The following CSMD2 variants were observed in gnomAD, a reference collection of about 807,000 sequenced individuals.
CSMD2 encodes the protein CUB and Sushi multiple domains 2.
CSMD2 carries 130 observed loss-of-function variants against 398.5 expected under a neutral mutation model. That is an observed-to-expected ratio of 0.33 (90% CI 0.28 to 0.38). CSMD2 has a LOEUF of 0.38. CSMD2 is among the 10% of genes least tolerant of loss of function. The pLI, the probability that CSMD2 is intolerant of heterozygous loss-of-function variation, is 1.00. For synonymous variants in CSMD2, 1,828 were observed against 1,908.5 expected (o/e 0.96, Z 1.10); for missense variants, 3,829 against 4,764.9 (o/e 0.80, Z 5.78).
intron 29 of CSMD2, among the ~76,000 whole-genome samples, chr1:33,640,608 G>C (rs1471864017): frequency 6.6e-6 from 1 of 152,166 alleles, no homozygotes; most frequent in African/African-American, 2.4e-5. Context: ...GAAAAAGTTT[G>C]CCAACTCCTG....
intron 1 of CSMD2, among the ~76,000 whole-genome samples, chr1:34,128,951 C>G (rs1663030324): frequency 1.3e-5 from 2 of 152,016 alleles, no homozygotes; most frequent in Admixed American, 6.6e-5. Context: ...CCTGTGCACA[C>G]ACACATCAAC....
chr1:33,867,368 C>T (rs1213433558), intron 5 of CSMD2, among the ~76,000 whole-genome samples: 2 of 152,194 alleles, frequency 1.3e-5, no homozygotes, highest in Non-Finnish European at 2.9e-5. Context: ...TGAATCCTTC[C>T]CCAGTCAAGC....
intron 1 of CSMD2, among the ~76,000 whole-genome samples, chr1:34,100,131 A>AT (rs1346200528): frequency 6.6e-6 from 1 of 152,230 alleles, no homozygotes; most frequent in Non-Finnish European, 1.5e-5. Flanking sequence ...AGATAACACC[A>AT]TATGTATAAT....
chr1:33,973,480 G>C (rs779171032), intron 3 of CSMD2, among the ~76,000 whole-genome samples: 1 of 152,238 alleles, frequency 6.6e-6, no homozygotes, highest in Non-Finnish European at 1.5e-5. Flanking sequence ...CAGACCCTGA[G>C]GGGGTCCTGG....
At chr1:34,120,429 G>A (rs1212648692) in intron 1 of CSMD2, among the ~76,000 whole-genome samples, 1 of 152,186 alleles carries the variant, frequency 6.6e-6, no homozygotes, top group Middle Eastern at 3.2e-3. Context: ...GGTTAAGACA[G>A]TAAATTTTAT....
At chr1:33,557,659 C>A in intron 55 of CSMD2, 75 bp downstream of exon 55, 1 of 1,220,550 alleles carries the variant, frequency 8.2e-7, no homozygotes. Flanking sequence ...CACACACACA[C>A]ATGCACAGAG....
rs114392705 is a variant in CSMD2 at position 33,765,912 on chromosome 1, A to G, written c.1846+6657T>C. Among the ~76,000 whole-genome samples, 299 of 152,324 alleles carry G rather than the reference A, an allele frequency of 2.0e-3. 1 individual carries two copies. The highest frequency in any genetic ancestry group is 6.6e-3 in the African/African-American group (274 of 41,584). On this transcript the variant is annotated intron_variant, in intron 13 of 70. Coordinates refer to ENST00000373381, the MANE Select transcript of CSMD2 (RefSeq NM_001281956.2). ...ACAGCAAATGCCCCATGTCCCTCCT[A>G]GACAGGGCTGGAACCAGGTCGGCTG...
intron 12 of CSMD2, among the ~76,000 whole-genome samples, chr1:33,776,388 C>T (rs1651968454): frequency 1.3e-5 from 2 of 152,164 alleles, no homozygotes; most frequent in South Asian, 4.2e-4. Context: ...TGGCAGGAGA[C>T]CGAGGGAGAT....
At chr1:34,110,639 C>A (rs1342723339) in intron 1 of CSMD2, among the ~76,000 whole-genome samples, 3 of 152,092 alleles carry the variant, frequency 2.0e-5, no homozygotes, top group Non-Finnish European at 4.4e-5. Context: ...CCAAATACCA[C>A]ATATTCTTAC....
intron 3 of CSMD2, among the ~76,000 whole-genome samples, chr1:34,026,162 T>C (rs901499881): frequency 1.7e-4 from 26 of 152,106 alleles, no homozygotes; most frequent in African/African-American, 6.3e-4. Flanking sequence ...CCTGATTTTA[T>C]AGGCACAGAG....
chr1:33,743,679 G>T, intron 13 of CSMD2, 73 bp from the exon 14 acceptor site: 1 of 1,087,796 alleles, frequency 9.2e-7, no homozygotes, highest in Non-Finnish European at 1.3e-6. Context: ...GCTGGCAGGG[G>T]GAACATCTTC....
chr1:33,924,132 G>A (rs1368834615), intron 4 of CSMD2, among the ~76,000 whole-genome samples: 4 of 151,946 alleles, frequency 2.6e-5, no homozygotes, highest in African/African-American at 9.7e-5. Context: ...GTCTTTCTCT[G>A]CCTGGTTTAT....
At chr1:34,148,037 G>A (rs1639944671) in intron 1 of CSMD2, among the ~76,000 whole-genome samples, 1 of 150,218 alleles carries the variant, frequency 6.7e-6, no homozygotes, top group South Asian at 2.1e-4. Context: ...AAGGGCTGGA[G>A]CAAGAGTAAA....
intron 28 of CSMD2, among the ~76,000 whole-genome samples, chr1:33,649,265 A>G (rs1643628542): frequency 6.6e-6 from 1 of 152,260 alleles, no homozygotes; most frequent in East Asian, 1.9e-4. Context: ...ACTCAGATAC[A>G]GCAAGTCCTC....
intron 41 of CSMD2, among the ~76,000 whole-genome samples, chr1:33,608,741 C>T (rs1304303658): frequency 6.6e-6 from 1 of 152,112 alleles, no homozygotes; most frequent in Non-Finnish European, 1.5e-5. Context: ...CTACCAGAAG[C>T]CAGGGGAGGG....
Position 33,700,542 on chromosome 1 carries a change from G to T in CSMD2, c.3708C>A (p.Ser1236Arg). The T allele has an allele frequency of 6.2e-7, 1 of 1,614,212 alleles. No individual in the cohort carries two copies. Among genetic ancestry groups the T allele is most frequent in the Non-Finnish European group, 8.5e-7 (1 of 1,180,038 alleles). ...LDFITDAENT[S>R]KGFELHFSSF... ...TGGAAAAGTGCAGTTCAAAGCCCTT[G>T]CTGGTGTTTTCAGCATCAGTGATGA... Residue 1236 changes from serine (S) to arginine (R), a missense_variant, in exon 23 of 71, where the codon AGC becomes AGA. Around this residue, in one of 5 missense-constraint regions of CSMD2, gnomAD observed 2,001 missense variants for 2,567.1 expected, o/e 0.78. Coordinates refer to ENST00000373381, the MANE Select transcript of CSMD2 (RefSeq NM_001281956.2).
chr1:34,097,477 C>A (rs1659460652), intron 1 of CSMD2, among the ~76,000 whole-genome samples: 7 of 127,466 alleles, frequency 5.5e-5, no homozygotes, highest in Non-Finnish European at 1.1e-4. Context: ...GAACAGGCAA[C>A]CTACAAAATG....
intron 24 of CSMD2, among the ~76,000 whole-genome samples, chr1:33,693,309 C>A (rs1007547736): frequency 2.0e-5 from 3 of 152,126 alleles, no homozygotes. Flanking sequence ...AACATTTCTC[C>A]AAAGAGGATA....
At chr1:34,135,542 C>T (rs1056346692) in intron 1 of CSMD2, among the ~76,000 whole-genome samples, 2 of 139,146 alleles carry the variant, frequency 1.4e-5, no homozygotes, top group Admixed American at 7.9e-5. Flanking sequence ...CGCTTAAACC[C>T]GGGAGGCGGA....
Sources: allele counts gnomAD v4.1 joint callset (sites outside exome capture counted in the v4.1 genomes callset), GRCh38; gene constraint gnomAD v4.1.1; regional missense constraint gnomAD v4.1.1; transcripts MANE v1.5; gene names NCBI Gene and HGNC (gene_info 2026-07-23, HGNC 2026-07-21).